FLI1: variants seen among roughly 807,000 people sequenced by gnomAD.
The protein encoded by FLI1 is Friend leukemia integration 1 transcription factor.
Under a neutral mutation model 53.1 loss-of-function variants are expected in FLI1, and 13 were observed. That is an observed-to-expected ratio of 0.24 (90% CI 0.16 to 0.39). FLI1 has a LOEUF of 0.39. Ranked by LOEUF, FLI1 falls within the 10% of genes least tolerant of loss-of-function variation. The probability of loss-of-function intolerance (pLI) is 1.00; values close to 1 mark genes in which losing one functional copy is unlikely to be tolerated. For missense variants in FLI1, 424 were observed against 600.5 expected, an observed-to-expected ratio of 0.71 and a Z score of 3.07; for synonymous variants, 244 against 236.7, an observed-to-expected ratio of 1.03 and a Z score of -0.28.
chr11:128,790,946 C>T (rs1437525201), intron 5 of FLI1, among the ~76,000 whole-genome samples: 1 of 152,090 alleles, frequency 6.6e-6, no homozygotes, highest in Non-Finnish European at 1.5e-5. Flanking sequence ...GCCACGGGCA[C>T]AACTAGGGGT....
intron 1 of FLI1, among the ~76,000 whole-genome samples, chr11:128,721,918 C>T (rs953913316): frequency 6.6e-6 from 1 of 152,210 alleles, no homozygotes; most frequent in Non-Finnish European, 1.5e-5. Flanking sequence ...CCCTCCTCTT[C>T]CTGCCTAAGA....
Position 128,742,091 on chromosome 11 carries a change from G to A in FLI1, c.19-16024G>A, listed in dbSNP as rs554833229. Among the ~76,000 whole-genome samples, 3 of 152,298 alleles carry A rather than the reference G, an allele frequency of 2.0e-5. No homozygotes were observed. The East Asian group carries it at 5.8e-4, about 29-fold the overall frequency. ...CGTCACTTCCCCATCTGTGTGCACA[G>A]CCTGTGTTTACACAGCAGGTTTGCC... is the stretch of plus-strand genomic sequence containing the variant. On this transcript the variant is annotated intron_variant, in intron 1 of 8. Coordinates refer to ENST00000527786, the MANE Select transcript of FLI1 (RefSeq NM_002017.5).
intron 1 of FLI1, among the ~76,000 whole-genome samples, chr11:128,721,928 A>G (rs1939271699): frequency 6.6e-6 from 1 of 152,148 alleles, no homozygotes; most frequent in Non-Finnish European, 1.5e-5. Context: ...CCTGCCTAAG[A>G]AGGCCCCACT....
chr11:128,771,187 C>T (rs968195367), intron 3 of FLI1, among the ~76,000 whole-genome samples: 3 of 152,216 alleles, frequency 2.0e-5, no homozygotes, highest in African/African-American at 4.8e-5. Flanking sequence ...TGGCACATAG[C>T]ACCCACCATC....
chr11:128,688,549 TGACA>T (rs1279222414), intron 1 of FLI1, among the ~76,000 whole-genome samples: 2 of 152,090 alleles, frequency 1.3e-5, no homozygotes, highest in Admixed American at 6.5e-5. Context: ...CAGGAGTTGT[TGACA>T]AACACCGCAG....
intron 1 of FLI1, among the ~76,000 whole-genome samples, chr11:128,739,801 ACTGTTTGGTTCATGTCTGTG>A (rs1940059196): frequency 6.6e-6 from 1 of 152,130 alleles, no homozygotes; most frequent in South Asian, 2.1e-4. Flanking sequence ...GACAAGACAG[ACTGTTTGGTTCATGTCTGTG>A]CACCAGCAAA....
At position 128,741,440 on chromosome 11, in the gene FLI1, C is replaced by T. The variant is rs115346370; in HGVS notation, c.19-16675C>T. Among the ~76,000 whole-genome samples, 692 of 152,298 alleles carry T rather than the reference C, an allele frequency of 4.5e-3. 3 individuals are homozygous for T. Among genetic ancestry groups the T allele is most frequent in the African/African-American group, 0.016 (651 of 41,562 alleles). On this transcript the variant is annotated intron_variant, in intron 1 of 8. Transcript: ENST00000527786. ...AAATAAGACACAGTCATTCTGCCTA[C>T]GGTGACTCTTCAGGCCAGAGCCCCC...
chr11:128,753,671 T>A (rs1421276701), intron 1 of FLI1, among the ~76,000 whole-genome samples: 1 of 152,258 alleles, frequency 6.6e-6, no homozygotes, highest in African/African-American at 2.4e-5. Context: ...AAGACACACA[T>A]GAAGTAGCAA....
intron 1 of FLI1, among the ~76,000 whole-genome samples, chr11:128,737,967 C>T (rs914758735): frequency 3.3e-5 from 5 of 152,182 alleles, no homozygotes; most frequent in Admixed American, 2.6e-4. Flanking sequence ...TTCAAGACTC[C>T]CATGACAATA....
intron 1 of FLI1, among the ~76,000 whole-genome samples, chr11:128,726,087 C>T (rs1400566575): frequency 1.3e-5 from 2 of 152,220 alleles, no homozygotes; most frequent in Admixed American, 1.3e-4. Flanking sequence ...GCTACTATCA[C>T]ATTACTGAGT....
At chr11:128,697,849 T>A (rs767116302) in intron 1 of FLI1, among the ~76,000 whole-genome samples, 5 of 152,224 alleles carry the variant, frequency 3.3e-5, no homozygotes, top group Non-Finnish European at 5.9e-5. Flanking sequence ...CCTCCAGGAA[T>A]GTAGACGCTA....
intron 1 of FLI1, among the ~76,000 whole-genome samples, chr11:128,737,166 G>T (rs11221452): frequency 0.17 from 25,372 of 152,168 alleles, 2,634 homozygotes; most frequent in Admixed American, 0.33. Context: ...CTACATGGAA[G>T]GGATGGCAGG....
chr11:128,741,366 C>T (rs1478418652), intron 1 of FLI1, among the ~76,000 whole-genome samples: 3 of 152,158 alleles, frequency 2.0e-5, no homozygotes, highest in Non-Finnish European at 1.5e-5. Flanking sequence ...GCACTCCAGC[C>T]TGGGCAGCAG....
In FLI1 at chr11:128,694,283, G is replaced by T; in HGVS notation, c.18+7G>T. 7.3e-7 allele frequency: 1 copy of T among 1,377,738 alleles called. No individual in the cohort carries two copies. The highest frequency in any genetic ancestry group is 9.5e-7 in the Non-Finnish European group (1 of 1,054,620). The allele number at this position is 1,377,738 out of a possible 1,614,324, so 85.3% of individuals were successfully genotyped here. On this transcript the variant is annotated splice_region_variant and intron_variant, in intron 1 of 8. Transcript: ENST00000527786. ...AATGGACGGGACTATTAAGGTAAGCGGCGGGGCAACGGACGCGGGCGGCGG... is the reference window on the plus strand; with the variant it reads ...AATGGACGGGACTATTAAGGTAAGCTGCGGGGCAACGGACGCGGGCGGCGG...
At chr11:128,808,344 T>C (rs971073178) in intron 7 of FLI1, among the ~76,000 whole-genome samples, 3 of 152,190 alleles carry the variant, frequency 2.0e-5, no homozygotes, top group Non-Finnish European at 4.4e-5. Flanking sequence ...ATGACAATTT[T>C]GCCAAGTCGA....
chr11:128,755,238 TG>T (rs1940815433), intron 1 of FLI1, among the ~76,000 whole-genome samples: 1 of 152,208 alleles, frequency 6.6e-6, no homozygotes, highest in Admixed American at 6.5e-5. Context: ...CGGGCTTCTT[TG>T]CCTCTGATAT....
At chr11:128,798,555 T>C (rs1942513046) in intron 5 of FLI1, among the ~76,000 whole-genome samples, 1 of 152,206 alleles carries the variant, frequency 6.6e-6, no homozygotes, top group Non-Finnish European at 1.5e-5. Context: ...ACCTCCATTA[T>C]GCTCCACACA....
At chr11:128,752,721 C>T (rs983969071) in intron 1 of FLI1, among the ~76,000 whole-genome samples, 1 of 152,136 alleles carries the variant, frequency 6.6e-6, no homozygotes, top group African/African-American at 2.4e-5. Context: ...AGAATACATC[C>T]CTCATAGAAT....
intron 2 of FLI1, chr11:128,764,793 G>A: frequency 6.3e-7 from 1 of 1,594,128 alleles, no homozygotes; most frequent in Non-Finnish European, 8.5e-7. Context: ...TGCAAGAATG[G>A]AGGGAGGACT....
Sources: allele counts gnomAD v4.1 joint callset (sites outside exome capture counted in the v4.1 genomes callset), GRCh38; gene constraint gnomAD v4.1.1; transcripts MANE v1.5; gene names NCBI Gene and HGNC (gene_info 2026-07-23, HGNC 2026-07-21).